The following UTRN variants were observed in gnomAD, a reference collection of about 807,000 sequenced individuals.
The protein encoded by UTRN is dystrophin-related protein 1.
A neutral mutation model predicts 463.9 loss-of-function variants in UTRN; 283 were observed. The ratio of observed to expected loss-of-function variants is 0.61; its 90% CI spans 0.55 to 0.67. UTRN has a LOEUF of 0.67. UTRN is among the 30% of genes least tolerant of loss of function. The pLI, the probability that UTRN is intolerant of heterozygous loss-of-function variation, is 0.00. For synonymous variants in UTRN, 1,442 were observed against 1,431.5 expected (o/e 1.01, Z -0.17); for missense variants, 3,922 against 4,084.3 (o/e 0.96, Z 1.08).
chr6:144,639,546 TTTCCCTTAGTATA>T (rs959431849), intron 51 of UTRN, among the ~76,000 whole-genome samples: 10 of 152,208 alleles, frequency 6.6e-5, no homozygotes, highest in African/African-American at 2.4e-4. Context: ...CTCAAATCTG[TTTCCCTTAGTATA>T]TTCCCTTGTT....
chr6:144,480,899 C>T (rs966421498), intron 26 of UTRN, among the ~76,000 whole-genome samples: 1 of 152,190 alleles, frequency 6.6e-6, no homozygotes, highest in African/African-American at 2.4e-5. Flanking sequence ...GTAAATATGA[C>T]AGGAGACTTG....
intron 2 of UTRN, among the ~76,000 whole-genome samples, chr6:144,392,417 T>G (rs891502077): frequency 2.0e-5 from 3 of 152,200 alleles, no homozygotes; most frequent in Non-Finnish European, 4.4e-5. Flanking sequence ...TAATCAGTGG[T>G]GGGGCATGTC....
intron 2 of UTRN, among the ~76,000 whole-genome samples, chr6:144,360,032 TTTCCCTTCCC>T (rs1340009283): frequency 0.057 from 4,449 of 78,708 alleles, 342 homozygotes; most frequent in Admixed American, 0.088. Context: ...TCTTTTCTTT[TTTCCCTTCCC>T]TTCCCTTCCC....
intron 41 of UTRN, among the ~76,000 whole-genome samples, chr6:144,523,400 C>T (rs979109026): frequency 2.6e-5 from 4 of 152,114 alleles, no homozygotes; most frequent in African/African-American, 9.7e-5. Context: ...ACATTTGCCT[C>T]CCAGGTTCAA....
intron 61 of UTRN, among the ~76,000 whole-genome samples, chr6:144,787,966 T>C (rs9390222): frequency 0.16 from 24,301 of 152,082 alleles, 2,253 homozygotes; most frequent in South Asian, 0.26. Context: ...AAGGATAATA[T>C]CTTATTAATT....
At chr6:144,609,938 G>A (rs1805298126) in intron 51 of UTRN, among the ~76,000 whole-genome samples, 1 of 151,934 alleles carries the variant, frequency 6.6e-6, no homozygotes, top group Non-Finnish European at 1.5e-5. Flanking sequence ...TTAGCAGAAA[G>A]GGGGAAATTT....
At chr6:144,600,494 A>C (rs1022090911) in intron 51 of UTRN, among the ~76,000 whole-genome samples, 4 of 152,242 alleles carry the variant, frequency 2.6e-5, no homozygotes, top group Admixed American at 2.0e-4. Context: ...AGATCAAACC[A>C]GTCACAACAT....
rs113371292 is a variant in UTRN at position 144,371,296 on chromosome 6, A to G, written c.80-31827A>G. On this transcript the variant is annotated intron_variant, in intron 2 of 74. Coordinates refer to ENST00000367545, the MANE Select transcript of UTRN (RefSeq NM_007124.3). ...AATATACTGAATTCCTTTCCATGCC[A>G]GTATTAGTAGATCTAGCATGCTTTT... Among the ~76,000 whole-genome samples the G allele has an allele frequency of 8.4e-3, 1,286 of 152,272 alleles. 19 individuals carry two copies. The highest frequency in any genetic ancestry group is 0.029 in the African/African-American group (1,193 of 41,536).
At chr6:144,613,706 A>G (rs1033907568) in intron 51 of UTRN, among the ~76,000 whole-genome samples, 1 of 152,062 alleles carries the variant, frequency 6.6e-6, no homozygotes, top group South Asian at 2.1e-4. Flanking sequence ...CCGCTACTGT[A>G]TACATTTGCC....
chr6:144,478,745 G>A (rs78678777), intron 25 of UTRN, among the ~76,000 whole-genome samples: 2,970 of 152,288 alleles, frequency 0.02, 59 homozygotes, highest in African/African-American at 0.051. Context: ...CTACTGTGGC[G>A]TTTAATTTGA....
intron 2 of UTRN, among the ~76,000 whole-genome samples, chr6:144,342,373 A>C (rs867171099): frequency 7.1e-5 from 10 of 140,038 alleles, no homozygotes; most frequent in Non-Finnish European, 1.3e-4. Context: ...ACACACACAC[A>C]CCCGCCACAC....
chr6:144,327,631 TCA>T (rs1468190791), intron 2 of UTRN, among the ~76,000 whole-genome samples: 2 of 152,096 alleles, frequency 1.3e-5, no homozygotes, highest in Non-Finnish European at 2.9e-5. Flanking sequence ...GTGCATATAT[TCA>T]CAGAGTTGTT....
intron 2 of UTRN, among the ~76,000 whole-genome samples, chr6:144,376,153 C>CT (rs902936684): frequency 6.6e-6 from 1 of 151,930 alleles, no homozygotes; most frequent in Admixed American, 6.6e-5. Flanking sequence ...TTCCCAGTTG[C>CT]TTTTTTTAAA....
chr6:144,295,294 A>G (rs1166221863), intron 2 of UTRN, among the ~76,000 whole-genome samples: 1 of 152,244 alleles, frequency 6.6e-6, no homozygotes, highest in African/African-American at 2.4e-5. Context: ...ATTAACATAC[A>G]TTAAAGCTAG....
intron 50 of UTRN, among the ~76,000 whole-genome samples, chr6:144,573,371 GTGA>G (rs1159056420): frequency 2.6e-5 from 4 of 151,694 alleles, no homozygotes; most frequent in Admixed American, 6.6e-5. Context: ...GGCCAACATG[GTGA>G]AACCCTATCT....
At chr6:144,656,599 AT>A (rs1316470802) in intron 51 of UTRN, among the ~76,000 whole-genome samples, 6 of 152,176 alleles carry the variant, frequency 3.9e-5, no homozygotes, top group Non-Finnish European at 2.9e-5. Flanking sequence ...ACTTTATCTT[AT>A]AGATATCAAA....
chr6:144,731,841 C>G (rs959591052), intron 54 of UTRN, among the ~76,000 whole-genome samples: 8 of 149,490 alleles, frequency 5.4e-5, no homozygotes, highest in African/African-American at 2.0e-4. Flanking sequence ...GTCTACAAAT[C>G]ACTCATAATT....
Position 144,557,147 on chromosome 6 carries a change from T to G in UTRN, c.7135-10T>G, listed in dbSNP as rs1352300879. The G allele has an allele frequency of 1.9e-6, 3 of 1,612,540 alleles. No individual in the cohort carries two copies. The highest frequency in any genetic ancestry group is 1.7e-6 in the Non-Finnish European group (2 of 1,179,220). On this transcript the variant is annotated splice_polypyrimidine_tract_variant and intron_variant, in intron 49 of 74. Coordinates refer to ENST00000367545, the MANE Select transcript of UTRN (RefSeq NM_007124.3). ...CAAGTCTAACAAACAGACCTGCACTTGCACCTCAGATACTGCTTCAAGAAC... is the reference window on the plus strand; with the variant it reads ...CAAGTCTAACAAACAGACCTGCACTGGCACCTCAGATACTGCTTCAAGAAC...
At chr6:144,826,789 T>C (rs1336438680) in intron 66 of UTRN, among the ~76,000 whole-genome samples, 1 of 152,188 alleles carries the variant, frequency 6.6e-6, no homozygotes, top group Non-Finnish European at 1.5e-5. Flanking sequence ...GGGTGGTATC[T>C]AGGTTGCATG....
Sources: gnomAD v4.1 joint callset for allele counts (sites outside exome capture counted in the v4.1 genomes callset) on GRCh38, gnomAD v4.1.1 for gene constraint, MANE v1.5 for transcripts, NCBI Gene and HGNC (gene_info 2026-07-23, HGNC 2026-07-21) for gene names.